Variants in UGT1A6 observed in about 807,000 individuals in gnomAD.
UGT1A6 encodes UDP-glucuronosyltransferase 1A6.
UGT1A6 carries 32 observed loss-of-function variants against 44.4 expected under a neutral mutation model. The ratio of observed to expected loss-of-function variants is 0.72; its 90% CI spans 0.54 to 0.97. UGT1A6 has a LOEUF of 0.97. Among genes scored for constraint, UGT1A6 ranks in the 50% least tolerant of loss-of-function variants. UGT1A6 has a pLI of 0.00. For synonymous variants in UGT1A6, 238 were observed against 248.5 expected, an observed-to-expected ratio of 0.96 and a Z score of 0.40; for missense variants, 685 against 661.9, an observed-to-expected ratio of 1.03 and a Z score of -0.38.
intron 1 of UGT1A6, among the ~76,000 whole-genome samples, chr2:233,716,770 G>A (rs1477452949): frequency 1.3e-5 from 2 of 152,158 alleles, no homozygotes; most frequent in African/African-American, 2.4e-5. Context: ...GATCACTCAG[G>A]TCAGGCTTTC....
intron 4 of UGT1A6, 132 bp from the exon 5 acceptor site, chr2:233,772,130 A>G: frequency 2.6e-6 from 4 of 1,542,514 alleles, no homozygotes; most frequent in Non-Finnish European, 2.6e-6. Context: ...AACAACAACA[A>G]CAATAATAGA....
chr2:233,713,335 C>T (rs770287319), intron 1 of UGT1A6: 88 of 1,614,020 alleles, frequency 5.5e-5, no homozygotes, highest in Non-Finnish European at 7.0e-5. Context: ...AGAAGAATGG[C>T]AATTATGAAC....
At chr2:233,730,586 G>A (rs2078050719) in intron 1 of UGT1A6, among the ~76,000 whole-genome samples, 1 of 152,116 alleles carries the variant, frequency 6.6e-6, no homozygotes, top group Admixed American at 6.6e-5. Context: ...TTCCAGACAG[G>A]GATCTGTGCT....
chr2:233,729,782 C>A (rs764191993), intron 1 of UGT1A6: 1 of 1,613,938 alleles, frequency 6.2e-7, no homozygotes, highest in South Asian at 1.1e-5. Flanking sequence ...TACCCTCTGG[C>A]CCTGTCCTAC....
chr2:233,755,066 A>G, intron 1 of UGT1A6: 1 of 1,335,668 alleles, frequency 7.5e-7, no homozygotes, highest in Non-Finnish European at 1.0e-6. Flanking sequence ...TCGCCTCGCC[A>G]TAGCGGTCAT....
chr2:233,744,711 T>A (rs1692896185), intron 1 of UGT1A6, among the ~76,000 whole-genome samples: 1 of 151,888 alleles, frequency 6.6e-6, no homozygotes, highest in Non-Finnish European at 1.5e-5. Context: ...TGTACACTTG[T>A]GAGAGAATGA....
chr2:233,738,126 G>C (rs1690706734), intron 1 of UGT1A6, among the ~76,000 whole-genome samples: 1 of 152,046 alleles, frequency 6.6e-6, no homozygotes, highest in Non-Finnish European at 1.5e-5. Flanking sequence ...TTTTATAAGG[G>C]GCCCTTATCC....
At position 233,725,173 on chromosome 2, in the gene UGT1A6, C is replaced by G. The variant is rs567676971; in HGVS notation, c.861+31308C>G. On this transcript the variant is annotated intron_variant, in intron 1 of 4. Transcript: ENST00000305139. ...CTTCGGCTCTGCATGAGAGGGAGAC[C>G]GTGGGGAGAGGCAGAGGCAGAGGCA... Among the ~76,000 whole-genome samples, 8 of 94,296 alleles carry G rather than the reference C, an allele frequency of 8.5e-5. 1 individual carries two copies. The East Asian group carries it at 9.6e-4, about 11-fold the overall frequency. The allele number at this position is 94,296 out of a possible 152,430, so 61.9% of individuals were successfully genotyped here.
chr2:233,748,022 G>A, intron 1 of UGT1A6: 2 of 1,613,526 alleles, frequency 1.2e-6, no homozygotes, highest in South Asian at 2.2e-5. Flanking sequence ...GGCCGATCAT[G>A]CCCAACATGG....
rs557551651 is a variant in UGT1A6 at position 233,693,461 on chromosome 2, T to C, written c.457T>C (p.Leu153=). The C allele has an allele frequency of 2.0e-5, 33 of 1,614,158 alleles. No individual in the cohort carries two copies. Among genetic ancestry groups the C allele is most frequent in the South Asian group, 7.7e-5 (7 of 91,070 alleles). Residue 153 remains leucine (L), a synonymous_variant, in exon 1 of 5, where the codon TTA becomes CTA. Transcript: ENST00000305139. The part of the protein sequence containing the change: ...KFDALFTDPA[L]PCGVILAEYL... ...TGATGCTCTTTTCACAGACCCAGCC[T>C]TACCCTGTGGGGTGATCCTGGCTGA...
At chr2:233,760,122 C>A (rs535497865) in intron 1 of UGT1A6, 1 of 1,292,030 alleles carries the variant, frequency 7.7e-7, no homozygotes, top group East Asian at 2.5e-5. Flanking sequence ...TAATAAAGCT[C>A]CACCTTCTTT....
At chr2:233,740,062 C>A (rs6740653) in intron 1 of UGT1A6, among the ~76,000 whole-genome samples, 5,128 of 151,886 alleles carry the variant, frequency 0.034, 157 homozygotes, top group African/African-American at 0.051. Context: ...TACTCACAAG[C>A]TTTTCCTCTC....
intron 1 of UGT1A6, among the ~76,000 whole-genome samples, chr2:233,715,099 T>C (rs2076432380): frequency 6.6e-6 from 1 of 152,192 alleles, no homozygotes; most frequent in South Asian, 2.1e-4. Context: ...TTGGCCAGGC[T>C]GATCTCAAAT....
chr2:233,761,536 A>C (rs1039884807), intron 1 of UGT1A6, among the ~76,000 whole-genome samples: 1 of 152,248 alleles, frequency 6.6e-6, no homozygotes, highest in Non-Finnish European at 1.5e-5. Context: ...TGATGAAATC[A>C]TTCTTTGATG....
At position 233,740,170 on chromosome 2, in the gene UGT1A6, T is replaced by C. The variant is rs191572005; in HGVS notation, c.862-26864T>C. ...TGAGGCCTCCCCAGTCATGTGGAAC[T>C]GTGAGTCAATTAAACCTCTTTCTTT... On this transcript the variant is annotated intron_variant, in intron 1 of 4. Transcript: ENST00000305139. Among the ~76,000 whole-genome samples the C allele has an allele frequency of 5.3e-5, 8 of 151,994 alleles. No individual in the cohort carries two copies. The East Asian group carries it at 1.5e-3, about 29-fold the overall frequency.
chr2:233,733,095 G>A (rs1341199680), intron 1 of UGT1A6, among the ~76,000 whole-genome samples: 1 of 152,176 alleles, frequency 6.6e-6, no homozygotes, highest in Non-Finnish European at 1.5e-5. Context: ...GTTCACTCAT[G>A]GTTTGGCTCT....
chr2:233,746,266 G>A (rs573360161), intron 1 of UGT1A6, among the ~76,000 whole-genome samples: 7 of 151,810 alleles, frequency 4.6e-5, no homozygotes, highest in South Asian at 4.1e-4. Context: ...AGAACAAAAC[G>A]CTGTGGGGAT....
intron 1 of UGT1A6, among the ~76,000 whole-genome samples, chr2:233,697,697 G>T (rs192103056): frequency 1.3e-5 from 2 of 152,056 alleles, no homozygotes; most frequent in Non-Finnish European, 2.9e-5. Context: ...CTTTTTGGAT[G>T]TAGGCATTTA....
At chr2:233,768,577 TTCTTC>T in intron 4 of UGT1A6, 138 bp downstream of exon 4, 1 of 1,379,982 alleles carries the variant, frequency 7.2e-7, no homozygotes, top group Non-Finnish European at 9.4e-7. Context: ...GGATTTTTAT[TTCTTC>T]TTTTTTTTTT....
Sources: gnomAD v4.1 joint callset for allele counts (sites outside exome capture counted in the v4.1 genomes callset) on GRCh38, gnomAD v4.1.1 for gene constraint, MANE v1.5 for transcripts, NCBI Gene and HGNC (gene_info 2026-07-23, HGNC 2026-07-21) for gene names.